KCNB2: variants seen among roughly 807,000 people sequenced by gnomAD.
KCNB2 encodes the protein delayed rectifier potassium channel protein.
A neutral mutation model predicts 61.5 loss-of-function variants in KCNB2; 15 were observed. The observed-to-expected ratio is 0.24, with a 90% CI of 0.16 to 0.38. The LOEUF (loss-of-function observed/expected upper bound fraction) is 0.38. KCNB2 is among the 10% of genes least tolerant of loss of function. The pLI is 1.00. For synonymous variants in KCNB2, 457 were observed against 446.0 expected, an observed-to-expected ratio of 1.02 and a Z score of -0.31; for missense variants, 828 against 1,125.2, an observed-to-expected ratio of 0.74 and a Z score of 3.78.
chr8:72,703,290 T>C (rs1302917021), intron 2 of KCNB2, among the ~76,000 whole-genome samples: 1 of 152,140 alleles, frequency 6.6e-6, no homozygotes, highest in African/African-American at 2.4e-5. Context: ...CTGGGAAGCC[T>C]CTCAAAGATG....
At chr8:72,823,533 G>A (rs1424624496) in intron 2 of KCNB2, among the ~76,000 whole-genome samples, 1 of 152,100 alleles carries the variant, frequency 6.6e-6, no homozygotes, top group Non-Finnish European at 1.5e-5. Context: ...CTACTTCCAA[G>A]CTCCTTGTCA....
chr8:72,771,664 C>T (rs1177248962), intron 2 of KCNB2, among the ~76,000 whole-genome samples: 4 of 151,930 alleles, frequency 2.6e-5, no homozygotes, highest in East Asian at 1.9e-4. Context: ...AGCAAGTAGG[C>T]GCAGAGACCA....
intron 2 of KCNB2, among the ~76,000 whole-genome samples, chr8:72,604,820 G>A (rs1041407867): frequency 2.0e-5 from 3 of 152,166 alleles, no homozygotes; most frequent in Admixed American, 6.5e-5. Context: ...CTGAGTAGAA[G>A]CACATGATTT....
chr8:72,730,394 A>G (rs1410121891), intron 2 of KCNB2, among the ~76,000 whole-genome samples: 1 of 152,232 alleles, frequency 6.6e-6, no homozygotes, highest in Admixed American at 6.5e-5. Context: ...TTAAATGTCA[A>G]TTGAATACTA....
intron 2 of KCNB2, among the ~76,000 whole-genome samples, chr8:72,843,301 CT>C (rs887199589): frequency 6.6e-6 from 1 of 152,078 alleles, no homozygotes; most frequent in African/African-American, 2.4e-5. Flanking sequence ...GTCTGAGAGA[CT>C]GTTTGTTATG....
chr8:72,539,674 A>G (rs188468896), intron 1 of KCNB2, among the ~76,000 whole-genome samples: 359 of 152,286 alleles, frequency 2.4e-3, no homozygotes, highest in Non-Finnish European at 3.7e-3. Context: ...CTCATCTCAC[A>G]TCTTTTCTAT....
intron 2 of KCNB2, among the ~76,000 whole-genome samples, chr8:72,816,467 A>G (rs1204887171): frequency 6.6e-6 from 1 of 152,244 alleles, no homozygotes; most frequent in Admixed American, 6.5e-5. Flanking sequence ...AACTAAACAT[A>G]TTGTCAAGGT....
intron 2 of KCNB2, among the ~76,000 whole-genome samples, chr8:72,706,956 C>G (rs927346849): frequency 1.3e-5 from 2 of 152,190 alleles, no homozygotes; most frequent in Admixed American, 1.3e-4. Flanking sequence ...GTTTTGCTGC[C>G]TACTTCCTGT....
chr8:72,835,515 G>A (rs1809766640), intron 2 of KCNB2, among the ~76,000 whole-genome samples: 1 of 152,114 alleles, frequency 6.6e-6, no homozygotes, highest in African/African-American at 2.4e-5. Flanking sequence ...TTTTAAGGTT[G>A]GCACTGAGAG....
chr8:72,831,131 G>C (rs1376974915), intron 2 of KCNB2, among the ~76,000 whole-genome samples: 1 of 152,136 alleles, frequency 6.6e-6, no homozygotes, highest in Non-Finnish European at 1.5e-5. Flanking sequence ...ATGCTGACTG[G>C]GCCTCCTCCC....
At chr8:72,850,366 C>A (rs67896643) in intron 2 of KCNB2, among the ~76,000 whole-genome samples, 33,342 of 151,772 alleles carry the variant, frequency 0.22, 4,052 homozygotes, top group Non-Finnish European at 0.28. Context: ...ACCACAGGTG[C>A]CTGACACAAT....
Position 72,688,095 on chromosome 8 carries a change from G to C in KCNB2, c.579+119782G>C, listed in dbSNP as rs376779389. On this transcript the variant is annotated intron_variant, in intron 2 of 2. Transcript: ENST00000523207. ...AGGCAGGGCCCTGAGCGTTCACTGA[G>C]AGCACCGCTGTATTTGCAGCTCCTA... Among the ~76,000 whole-genome samples the C allele has an allele frequency of 1.8e-4, 28 of 152,262 alleles. No homozygotes were observed. In the East Asian group the frequency reaches 5.0e-3, roughly 27 times the overall value.
intron 2 of KCNB2, among the ~76,000 whole-genome samples, chr8:72,576,477 T>C (rs1288455352): frequency 6.6e-6 from 1 of 152,218 alleles, no homozygotes; most frequent in Non-Finnish European, 1.5e-5. Flanking sequence ...ACATCCCTCA[T>C]TGAAAATATT....
chr8:72,780,161 C>T (rs1808730711), intron 2 of KCNB2, among the ~76,000 whole-genome samples: 1 of 152,074 alleles, frequency 6.6e-6, no homozygotes, highest in Admixed American at 6.6e-5. Flanking sequence ...GCCCTCTTAG[C>T]CCAGACACTT....
rs151150187 is a variant in KCNB2 at position 72,824,700 on chromosome 8, T to G, written c.580-111235T>G. Among the ~76,000 whole-genome samples the G allele has an allele frequency of 8.3e-4, 127 of 152,256 alleles. 1 individual carries two copies. Among genetic ancestry groups the G allele is most frequent in the African/African-American group, 2.8e-3 (117 of 41,554 alleles). ...TAGATACTGGTTAATGATGTCCCAG[T>G]TGCAGAGACAAAGCTGAGTGTCCCA... On this transcript the variant is annotated intron_variant, in intron 2 of 2. Coordinates refer to ENST00000523207, the MANE Select transcript of KCNB2 (RefSeq NM_004770.3).
intron 2 of KCNB2, among the ~76,000 whole-genome samples, chr8:72,759,640 A>G (rs997407049): frequency 6.6e-6 from 1 of 152,178 alleles, no homozygotes; most frequent in Admixed American, 6.5e-5. Flanking sequence ...ATTAAAAGTA[A>G]TAGAAATCAC....
chr8:72,932,074 G>A (rs1024137762), intron 2 of KCNB2, among the ~76,000 whole-genome samples: 1 of 152,098 alleles, frequency 6.6e-6, no homozygotes, highest in Non-Finnish European at 1.5e-5. Context: ...AATGGTTGTG[G>A]TAAGTAAAGC....
At chr8:72,804,259 C>A (rs1355233526) in intron 2 of KCNB2, among the ~76,000 whole-genome samples, 1 of 152,046 alleles carries the variant, frequency 6.6e-6, no homozygotes, top group Non-Finnish European at 1.5e-5. Context: ...CAACGGCTAA[C>A]AAGAGCAAGT....
At chr8:72,628,127 T>C (rs147189397) in intron 2 of KCNB2, among the ~76,000 whole-genome samples, 205 of 152,224 alleles carry the variant, frequency 1.3e-3, no homozygotes, top group African/African-American at 4.5e-3. Context: ...CTAATTTTTG[T>C]ATTTTTAGTA....
Sources: gnomAD v4.1 joint callset for allele counts (sites outside exome capture counted in the v4.1 genomes callset) on GRCh38, gnomAD v4.1.1 for gene constraint, MANE v1.5 for transcripts, NCBI Gene and HGNC (gene_info 2026-07-23, HGNC 2026-07-21) for gene names.